Variants in NCOA1 observed in about 807,000 individuals in gnomAD.
The protein encoded by NCOA1 is Hin-2 protein.
Under a neutral mutation model 150.9 loss-of-function variants are expected in NCOA1, and 35 were observed. The observed-to-expected ratio is 0.23, with a 90% CI of 0.18 to 0.31. The LOEUF (loss-of-function observed/expected upper bound fraction) is 0.31, where lower values mean the gene tolerates loss of function less well. Among genes scored for constraint, NCOA1 ranks in the 10% least tolerant of loss-of-function variants. NCOA1 has a pLI of 1.00. For missense variants in NCOA1, 1,491 were observed against 1,749.3 expected, an observed-to-expected ratio of 0.85 and a Z score of 2.63; for synonymous variants, 590 against 630.0, an observed-to-expected ratio of 0.94 and a Z score of 0.95.
chr2:24,612,485 T>C (rs1392819616), intron 3 of NCOA1, among the ~76,000 whole-genome samples: 1 of 152,230 alleles, frequency 6.6e-6, no homozygotes, highest in Non-Finnish European at 1.5e-5. Context: ...AAATGTGTTT[T>C]CCAGGTTGTT....
intron 3 of NCOA1, among the ~76,000 whole-genome samples, chr2:24,626,488 G>A (rs1471020219): frequency 6.6e-6 from 1 of 152,214 alleles, no homozygotes; most frequent in Non-Finnish European, 1.5e-5. Flanking sequence ...TTGAATATAG[G>A]AAAAGCAAGG....
At chr2:24,602,589 A>C (rs1485182760) in intron 3 of NCOA1, among the ~76,000 whole-genome samples, 4 of 152,190 alleles carry the variant, frequency 2.6e-5, no homozygotes, top group Non-Finnish European at 5.9e-5. Flanking sequence ...TAGGTAATCA[A>C]GACAATAAAT....
intron 4 of NCOA1, among the ~76,000 whole-genome samples, chr2:24,646,206 A>ATT (rs929904887): frequency 3.3e-5 from 5 of 152,016 alleles, no homozygotes; most frequent in African/African-American, 1.2e-4. Flanking sequence ...CTGCATGCCC[A>ATT]TTGCCCAGTT....
chr2:24,618,885 A>G (rs1313554609), intron 3 of NCOA1, among the ~76,000 whole-genome samples: 2 of 152,176 alleles, frequency 1.3e-5, no homozygotes, highest in African/African-American at 4.8e-5. Flanking sequence ...CCAAAGTGTA[A>G]TTATACTTGC....
chr2:24,521,833 T>A (rs1429335414), intron 1 of NCOA1, among the ~76,000 whole-genome samples: 2 of 152,160 alleles, frequency 1.3e-5, no homozygotes, highest in East Asian at 3.8e-4. Context: ...CTGTACCAAT[T>A]TACATTCTCA....
At chr2:24,754,010 A>T (rs145836666) in intron 20 of NCOA1, among the ~76,000 whole-genome samples, 2 of 152,176 alleles carry the variant, frequency 1.3e-5, no homozygotes, top group African/African-American at 4.8e-5. Context: ...GTAAATGACA[A>T]TTCCATTTTC....
chr2:24,589,712 A>T (rs1667573316), intron 3 of NCOA1, among the ~76,000 whole-genome samples: 1 of 151,718 alleles, frequency 6.6e-6, no homozygotes, highest in African/African-American at 2.4e-5. Context: ...GTGTCAGGGA[A>T]GTTCCTGGAA....
At chr2:24,680,500 C>T (rs1197286554) in intron 7 of NCOA1, among the ~76,000 whole-genome samples, 1 of 152,078 alleles carries the variant, frequency 6.6e-6, no homozygotes, top group African/African-American at 2.4e-5. Flanking sequence ...CATGATCTCA[C>T]TTATATGTGG....
At position 24,707,095 on chromosome 2, in the gene NCOA1, AG is replaced by A; in HGVS notation, c.1628del (p.Gly543ValfsTer2). 6.2e-7 allele frequency: 1 copy of A among 1,614,130 alleles called. No individual in the cohort carries two copies. The highest frequency in any genetic ancestry group is 8.5e-7 in the Non-Finnish European group (1 of 1,179,974). Reference protein sequence around the residue: ...SYSNIPVTSLQGMNEGPNNSV... With the variant: ...SYSNIPVTSLXGMNEGPNNSV... ...TCAAACATCCCAGTAACATCTTTAC[AG>A]GGTATGAATGAAGGACCCAATAACT... On this transcript the variant is annotated frameshift_variant, in exon 13 of 23. Transcript: ENST00000348332. LOFTEE classifies it high-confidence loss of function.
chr2:24,662,091 T>C (rs1356336069), intron 5 of NCOA1, among the ~76,000 whole-genome samples: 1 of 152,222 alleles, frequency 6.6e-6, no homozygotes, highest in African/African-American at 2.4e-5. Context: ...TGTATAATTT[T>C]GAAACTGAGT....
At chr2:24,582,597 A>G (rs895916640) in intron 2 of NCOA1, among the ~76,000 whole-genome samples, 2 of 152,210 alleles carry the variant, frequency 1.3e-5, no homozygotes, top group African/African-American at 4.8e-5. Flanking sequence ...CAAAGATAGA[A>G]AAAAAGATCC....
intron 16 of NCOA1, 120 bp from the exon 17 acceptor site, chr2:24,729,381 T>C: frequency 1.0e-6 from 1 of 958,340 alleles, no homozygotes. Flanking sequence ...CTTTAGGTAG[T>C]AAACTTCTGG....
intron 1 of NCOA1, among the ~76,000 whole-genome samples, chr2:24,521,676 A>G (rs1558762583): frequency 6.6e-6 from 1 of 152,198 alleles, no homozygotes; most frequent in Non-Finnish European, 1.5e-5. Flanking sequence ...TGTTATGAAT[A>G]ATGCTGTAGT....
chr2:24,597,464 C>T (rs755774666), intron 3 of NCOA1, among the ~76,000 whole-genome samples: 1 of 152,046 alleles, frequency 6.6e-6, no homozygotes, highest in African/African-American at 2.4e-5. Flanking sequence ...ATCTGGAAAA[C>T]CATAATCAAT....
At chr2:24,683,158 A>G in intron 8 of NCOA1, 30 bp downstream of exon 8, 1 of 1,447,826 alleles carries the variant, frequency 6.9e-7, no homozygotes, top group South Asian at 1.4e-5. Context: ...TAAAAAGAAT[A>G]CTAGCTCTCT....
At chr2:24,527,011 A>G (rs1330541071) in intron 1 of NCOA1, among the ~76,000 whole-genome samples, 1 of 152,218 alleles carries the variant, frequency 6.6e-6, no homozygotes, top group African/African-American at 2.4e-5. Flanking sequence ...ACCATTTTAC[A>G]TAAGGAAGTT....
Position 24,706,598 on chromosome 2 carries a change from C to T in NCOA1, c.1128C>T (p.Asp376=), listed in dbSNP as rs142572701. 9.9e-6 allele frequency: 16 copies of T among 1,613,450 alleles called. No homozygotes were observed. The highest frequency in any genetic ancestry group is 1.3e-5 in the Non-Finnish European group (15 of 1,179,600). Reference sequence around the variant, plus strand: ...ACAGTGGGCTTTCTCCTCAAGATGACACTAATTCTGGAATGTCAATTCCCC... The same window carrying T: ...ACAGTGGGCTTTCTCCTCAAGATGATACTAATTCTGGAATGTCAATTCCCC... ...REHSGLSPQD[D]TNSGMSIPRV... is the part of the protein sequence containing the mutation. The change falls in exon 13 of 23, where the codon GAC becomes GAT. Residue 376 remains aspartate (D), a synonymous_variant. Transcript: ENST00000348332.
intron 19 of NCOA1, among the ~76,000 whole-genome samples, chr2:24,742,793 T>C (rs564573062): frequency 3.9e-5 from 6 of 152,188 alleles, no homozygotes; most frequent in Non-Finnish European, 8.8e-5. Flanking sequence ...CAATGGATTT[T>C]AGTACATTAA....
At chr2:24,622,180 G>GT (rs1237161927) in intron 3 of NCOA1, among the ~76,000 whole-genome samples, 1 of 151,940 alleles carries the variant, frequency 6.6e-6, no homozygotes, top group Non-Finnish European at 1.5e-5. Context: ...AAGAACTGTT[G>GT]TTTTTTTTCC....
Sources: allele counts gnomAD v4.1 joint callset (sites outside exome capture counted in the v4.1 genomes callset), GRCh38; gene constraint gnomAD v4.1.1; transcripts MANE v1.5; gene names NCBI Gene and HGNC (gene_info 2026-07-23, HGNC 2026-07-21).